PLEC: variants seen among roughly 807,000 people sequenced by gnomAD.
PLEC encodes the protein hemidesmosomal protein 1.
Under a neutral mutation model 392.8 loss-of-function variants are expected in PLEC, and 216 were observed. The observed-to-expected ratio is 0.55, with a 90% CI of 0.49 to 0.62. The LOEUF is 0.62. Among genes scored for constraint, PLEC ranks in the 20% least tolerant of loss-of-function variants. PLEC has a pLI of 0.00. For missense variants in PLEC, 6,863 were observed against 6,563.4 expected (o/e 1.05, Z -1.58); for synonymous variants, 3,621 against 2,980.6 (o/e 1.21, Z -7.00).
At chr8:143,949,526 C>T (rs1196950526) in intron 1 of PLEC, among the ~76,000 whole-genome samples, 2 of 152,280 alleles carry the variant, frequency 1.3e-5, no homozygotes, top group Middle Eastern at 3.4e-3. Flanking sequence ...CGACCTGGTT[C>T]GTACCGGGAA....
chr8:143,929,664 G>A lies in PLEC; in HGVS notation c.2905C>T (p.Leu969=), dbSNP rs1195997039. The change falls in exon 23 of 32, where the codon CTG becomes TTG. Residue 969 remains leucine (L), a synonymous_variant. Coordinates refer to ENST00000345136, the MANE Select transcript of PLEC (RefSeq NM_201384.3). ...GSCSHHYQQL[L]QSLEQGAQEE... Reference sequence around the variant, plus strand: ...GCCCTACCCTGTTCCAGGCTCTGCAGCAGCTGCTGGTAGTGGTGGCTGCAG... The same window carrying A: ...GCCCTACCCTGTTCCAGGCTCTGCAACAGCTGCTGGTAGTGGTGGCTGCAG... 11 of 1,602,980 alleles carry A rather than the reference G, an allele frequency of 6.9e-6. No homozygotes were observed. The African/African-American group carries it at 8.0e-5, about 12-fold the overall frequency.
Position 143,916,508 on chromosome 8 carries a change from G to A in PLEC, c.13313C>T (p.Pro4438Leu), listed in dbSNP as rs782580314. The A allele has an allele frequency of 6.2e-7, 1 of 1,611,904 alleles. No homozygotes were observed. Among genetic ancestry groups the A allele is most frequent in the South Asian group, 1.1e-5 (1 of 91,086 alleles). The change falls in exon 32 of 32, where the codon CCT (proline) becomes CTT (leucine). Residue 4438 changes from proline (P) to leucine (L), a missense_variant. Pro to Leu is a moderately conservative substitution (Grantham distance 98). Coordinates refer to ENST00000345136, the MANE Select transcript of PLEC (RefSeq NM_201384.3). Reference sequence around the variant, plus strand: ...ATAGGAGATCTTGAGCTTGGTCTTAGGGCAGGTGAGGTACTTGGAGTAGGC... The same window carrying A: ...ATAGGAGATCTTGAGCTTGGTCTTAAGGCAGGTGAGGTACTTGGAGTAGGC... ...VGAYSKYLTC[P>L]KTKLKISYKD... is the part of the protein sequence containing the mutation.
upstream of PLEC, chr8:143,954,010 C>T (rs1167089402): frequency 1.9e-6 from 2 of 1,030,804 alleles, no homozygotes; most frequent in Non-Finnish European, 2.6e-6. This position sits in a 1 kb window ranked among gnomAD's most constrained non-coding sequence, Gnocchi z 4.6. Context: ...CGCGACCCCG[C>T]TAACCCCAGC....
At chr8:143,925,940 C>T (rs1023476496) in intron 30 of PLEC, 56 bp from the exon 31 acceptor site, 185 of 1,507,256 alleles carry the variant, frequency 1.2e-4, no homozygotes, top group Middle Eastern at 1.1e-3. Flanking sequence ...CACGGGCAGG[C>T]GCTGACGGGG....
rs559380678 is a variant in PLEC, at chr8:143,917,366, A to G, written c.12455T>C (p.Met4152Thr). Residue 4152 changes from methionine to threonine, a missense_variant, in exon 32 of 32, where the codon ATG becomes ACG. Transcript: ENST00000345136. ...VIVDPETGKE[M>T]SVYEAYRKGL... ...CTTGCGGTAGGCCTCGTACACTGACATCTCCTTGCCCGTCTCGGGGTCCAC... is the reference window on the plus strand; with the variant it reads ...CTTGCGGTAGGCCTCGTACACTGACGTCTCCTTGCCCGTCTCGGGGTCCAC... 6.2e-7 allele frequency: 1 copy of G among 1,609,710 alleles called. No homozygotes were observed. Among genetic ancestry groups the G allele is most frequent in the Non-Finnish European group, 8.5e-7 (1 of 1,179,712 alleles).
At position 143,919,470 on chromosome 8, in the gene PLEC, T is replaced by C; in HGVS notation, c.10351A>G (p.Met3451Val). 2 of 1,613,288 alleles carry C rather than the reference T, an allele frequency of 1.2e-6. No individual in the cohort carries two copies. Among genetic ancestry groups the C allele is most frequent in the Admixed American group, 1.7e-5 (1 of 60,024 alleles). Residue 3451 changes from methionine to valine, a missense_variant, in exon 32 of 32, where the codon ATG becomes GTG. Transcript: ENST00000345136. ...TGCCGGAGAACCAGGCCCTTCTGCA[T>C]GGCCTGGAAGAGGGAGATGGTGCTG... ...SGSTISLFQA[M>V]QKGLVLRQHG...
chr8:143,936,154 C>G, intron 5 of PLEC, 140 bp from the exon 6 acceptor site: 2 of 920,340 alleles, frequency 2.2e-6, no homozygotes, highest in Non-Finnish European at 3.4e-6. Context: ...AGGGCAGCAC[C>G]GGGCTCCAGG....
rs566511469 is a variant in PLEC, at chr8:143,969,165, C to A, written c.70+4238G>T. Among the ~76,000 whole-genome samples the A allele has an allele frequency of 6.6e-6, 1 of 152,196 alleles. No individual in the cohort carries two copies. Among genetic ancestry groups the A allele is most frequent in the African/African-American group, 2.4e-5 (1 of 41,432 alleles). ...AGTGGGCACTTCCACACCACGGAAC[C>A]GACTCCAGCGGGGGGAGGGTGAGGT... On this transcript the variant is annotated intron_variant, in intron 1 of 31. Transcript: ENST00000356346. This position sits in a 1 kb window ranked among gnomAD's most constrained non-coding sequence, Gnocchi z 5.1.
chr8:143,973,608 A>C, upstream of PLEC: 98 of 817,462 alleles, frequency 1.2e-4, no homozygotes, highest in East Asian at 1.3e-4. The surrounding 1 kb of genome is among the most constrained non-coding windows in gnomAD (Gnocchi z 5.6). Context: ...AGGATGCCCC[A>C]CGGGCGGGGC....
At chr8:143,964,530 G>A (rs1832998488) in intron 1 of PLEC, among the ~76,000 whole-genome samples, 1 of 152,194 alleles carries the variant, frequency 6.6e-6, no homozygotes. Context: ...CAGGAACAGA[G>A]TCCGCCCTGG....
In PLEC at chr8:143,916,647, A is replaced by G; in HGVS notation, c.13174T>C (p.Tyr4392His). The G allele has an allele frequency of 6.2e-7, 1 of 1,611,042 alleles. No individual in the cohort carries two copies. ...EAGQRFLEVQ[Y>H]LTGGLIEPDT... is the part of the protein sequence containing the mutation. ...GGCTCGATCAAGCCGCCGGTCAGGT[A>G]CTGCACCTCCAGGAAGCGCTGGCCG... is the stretch of plus-strand genomic sequence containing the variant. The change falls in exon 32 of 32, where the codon TAC becomes CAC. Residue 4392 changes from tyrosine (Y) to histidine (H), a missense_variant. By Grantham distance (83) the Tyr-to-His change is moderately conservative. Transcript: ENST00000345136.
upstream of PLEC, among the ~76,000 whole-genome samples, chr8:143,942,913 C>T (rs1830776100): frequency 6.6e-6 from 1 of 152,216 alleles, no homozygotes; most frequent in African/African-American, 2.4e-5. Flanking sequence ...CTGGCACCAC[C>T]AGGGAGTAGA....
Position 143,924,656 on chromosome 8 carries a change from G to A in PLEC, c.5273C>T (p.Ala1758Val), listed in dbSNP as rs1283833230. 21 of 1,536,150 alleles carry A rather than the reference G, an allele frequency of 1.4e-5. No homozygotes were observed. The highest frequency in any genetic ancestry group is 2.7e-5 in the African/African-American group (2 of 72,940). Reference sequence around the variant, plus strand: ...CACCTCCATCTCGGCCCGCACCTTGGCCAGCTCGGCTTCCAGCTCCTGCCG... The same window carrying A: ...CACCTCCATCTCGGCCCGCACCTTGACCAGCTCGGCTTCCAGCTCCTGCCG... ...QKRQELEAEL[A>V]KVRAEMEVLL... The change falls in exon 31 of 32, where the codon GCC (alanine) becomes GTC (valine). Residue 1758 changes from alanine to valine, a missense_variant. Coordinates refer to ENST00000345136, the MANE Select transcript of PLEC (RefSeq NM_201384.3).
At chr8:143,933,737 G>T (rs1828091121) in intron 12 of PLEC, among the ~76,000 whole-genome samples, 1 of 152,232 alleles carries the variant, frequency 6.6e-6, no homozygotes, top group Admixed American at 6.5e-5. Flanking sequence ...GTCGGGGAGG[G>T]GGCCTGGCGG....
Position 143,934,790 on chromosome 8 carries a change from G to A in PLEC, c.945+20C>T, listed in dbSNP as rs782259279. 108 of 1,611,324 alleles carry A rather than the reference G, an allele frequency of 6.7e-5. No homozygotes were observed. Among genetic ancestry groups the A allele is most frequent in the Admixed American group, 1.8e-4 (11 of 59,984 alleles). On this transcript the variant is annotated intron_variant, in intron 9 of 31. Transcript: ENST00000345136. ...GCTCTCAGGGCAGGCCCAGGACCCC[G>A]CCCCCCACGGCAGGCCCACCTCAAT...
rs1554678651 is a variant in PLEC at position 143,919,557 on chromosome 8, G to C, written c.10264C>G (p.Leu3422Val). The change falls in exon 32 of 32, where the codon CTT becomes GTT. Residue 3422 changes from leucine (L) to valine (V), a missense_variant. Coordinates refer to ENST00000345136, the MANE Select transcript of PLEC (RefSeq NM_201384.3). ...TCGGCAGACAGCAGCTGCTCGTGAA[G>C]CTCGGGGCCCACCACGCCCGCCTTC... The part of the protein sequence containing the change: ...AVKAGVVGPE[L>V]HEQLLSAEKA... The C allele has an allele frequency of 6.2e-7, 1 of 1,608,206 alleles. No individual in the cohort carries two copies. The highest frequency in any genetic ancestry group is 1.1e-5 in the South Asian group (1 of 90,970).
In PLEC at chr8:143,932,835, G is replaced by A. The variant is rs372245593; in HGVS notation, c.1695C>T (p.Ile565=). 4.9e-5 allele frequency: 79 copies of A among 1,612,412 alleles called. No individual in the cohort carries two copies. The highest frequency in any genetic ancestry group is 1.6e-4 in the Middle Eastern group (1 of 6,084). Residue 565 remains isoleucine (I), a synonymous_variant, in exon 14 of 32, where the codon ATC becomes ATT. Transcript: ENST00000345136. ...LGSHRGLHQS[I]EEFRAKIERA... ...GCTCGATCTTGGCCCGGAATTCTTCGATGGACTGGTGCAGGCCTCGGTGGC... is the reference window on the plus strand; with the variant it reads ...GCTCGATCTTGGCCCGGAATTCTTCAATGGACTGGTGCAGGCCTCGGTGGC...
At chr8:143,935,172 CAG>C in intron 7 of PLEC, 24 bp downstream of exon 7, 4 of 1,611,528 alleles carry the variant, frequency 2.5e-6, no homozygotes, top group Non-Finnish European at 2.5e-6. Context: ...GGGGAAGGGA[CAG>C]GGAGGAAGGC....
rs1293704622 is a variant in PLEC at position 143,930,555 on chromosome 8, A to T, written c.2305-19T>A. 43 of 1,573,034 alleles carry T rather than the reference A, an allele frequency of 2.7e-5. No individual in the cohort carries two copies. Among genetic ancestry groups the T allele is most frequent in the Non-Finnish European group, 3.1e-5 (36 of 1,159,794 alleles). On this transcript the variant is annotated intron_variant, in intron 19 of 31. Coordinates refer to ENST00000345136, the MANE Select transcript of PLEC (RefSeq NM_201384.3). ...TCTCGTCCTGTGGGGGAGGGGCAGC[A>T]TCCAGACGAGGGCCATGGAGACCCA...
Sources: gnomAD v4.1 joint callset for allele counts (sites outside exome capture counted in the v4.1 genomes callset) on GRCh38, gnomAD v4.1.1 for gene constraint, Gnocchi (gnomAD v3.1) non-coding constraint, MANE v1.5 for transcripts, NCBI Gene and HGNC (gene_info 2026-07-23, HGNC 2026-07-21) for gene names.